The following GCSAML variants were observed in gnomAD, a reference collection of about 807,000 sequenced individuals.
The protein encoded by GCSAML is germinal center-associated signaling and motility-like protein.
Under a neutral mutation model 13.0 loss-of-function variants are expected in GCSAML, and 9 were observed. That is an observed-to-expected ratio of 0.69 (90% CI 0.42 to 1.21). GCSAML has a LOEUF of 1.21. Among genes scored for constraint, GCSAML ranks in the 50% most tolerant of loss-of-function variants. GCSAML has a pLI of 0.00. For synonymous variants in GCSAML, 37 were observed against 52.9 expected (o/e 0.70, Z 1.31); for missense variants, 143 against 153.4 (o/e 0.93, Z 0.36).
intron 2 of GCSAML, among the ~76,000 whole-genome samples, chr1:247,560,527 T>C (rs1408218871): frequency 6.6e-6 from 1 of 152,168 alleles, no homozygotes; most frequent in Non-Finnish European, 1.5e-5. Flanking sequence ...GAAAACTCAT[T>C]ATTTGTTCCC....
At chr1:247,569,113 G>A (rs1045310519) in intron 4 of GCSAML, among the ~76,000 whole-genome samples, 12 of 152,108 alleles carry the variant, frequency 7.9e-5, no homozygotes, top group Non-Finnish European at 8.8e-5. Context: ...GGGCTGAGAC[G>A]ATGTGATTTT....
At chr1:247,546,847 T>C (rs977850915), upstream of GCSAML, among the ~76,000 whole-genome samples, 74 of 151,036 alleles carry the variant, frequency 4.9e-4, no homozygotes, top group African/African-American at 1.8e-3. Context: ...CCCAGCACTT[T>C]GGGAGGCCAA....
At chr1:247,546,455 T>G (rs908176376), upstream of GCSAML, among the ~76,000 whole-genome samples, 5 of 152,042 alleles carry the variant, frequency 3.3e-5, no homozygotes, top group African/African-American at 1.2e-4. Context: ...GCCTTCCGGG[T>G]TCACGCCATT....
chr1:247,525,823 C>G (rs896136229), intron 1 of GCSAML: 4 of 152,166 alleles, frequency 2.6e-5, no homozygotes, highest in Non-Finnish European at 5.9e-5. Context: ...TTTCAGGTGC[C>G]CAGCTCCCAT....
chr1:247,512,987 G>T (rs12061050), intron 1 of GCSAML, among the ~76,000 whole-genome samples: 5,056 of 152,238 alleles, frequency 0.033, 265 homozygotes, highest in African/African-American at 0.11. Context: ...AGGCACAGGG[G>T]TCAAGGACCC....
At chr1:247,508,497 A>G (rs1439278314) in intron 1 of GCSAML, among the ~76,000 whole-genome samples, 1 of 152,168 alleles carries the variant, frequency 6.6e-6, no homozygotes, top group African/African-American at 2.4e-5. Context: ...TTTGCTGTGC[A>G]GAAACTCTTA....
At chr1:247,537,177 A>G (rs1667249684) in intron 2 of GCSAML, among the ~76,000 whole-genome samples, 1 of 152,146 alleles carries the variant, frequency 6.6e-6, no homozygotes, top group Non-Finnish European at 1.5e-5. Flanking sequence ...TTCTCTATGT[A>G]TGGATTTGCC....
chr1:247,573,677 C>T (rs1668718768), intron 4 of GCSAML, among the ~76,000 whole-genome samples: 1 of 152,110 alleles, frequency 6.6e-6, no homozygotes, highest in East Asian at 1.9e-4. Context: ...TAAACAGGCT[C>T]TTTTTTGGTT....
upstream of GCSAML, among the ~76,000 whole-genome samples, chr1:247,546,313 C>T (rs913258625): frequency 3.9e-5 from 6 of 152,100 alleles, no homozygotes; most frequent in Non-Finnish European, 5.9e-5. Flanking sequence ...GATGGGACTA[C>T]AGGCACATGC....
At chr1:247,555,712 AGGAAATGCTATGT>A (rs2103044088) in intron 1 of GCSAML, among the ~76,000 whole-genome samples, 1 of 152,356 alleles carries the variant, frequency 6.6e-6, no homozygotes, top group East Asian at 1.9e-4. Context: ...AAAACCATCA[AGGAAATGCTATGT>A]GTGGACAACT....
At chr1:247,559,773 T>C (rs1453546802) in intron 2 of GCSAML, among the ~76,000 whole-genome samples, 1 of 152,208 alleles carries the variant, frequency 6.6e-6, no homozygotes, top group Non-Finnish European at 1.5e-5. Context: ...CTTTGGCTTG[T>C]AGATGACTGT....
intron 4 of GCSAML, among the ~76,000 whole-genome samples, 189 bp from the exon 5 acceptor site, chr1:247,573,954 G>A (rs1668731744): frequency 6.6e-6 from 1 of 152,044 alleles, no homozygotes; most frequent in African/African-American, 2.4e-5. Flanking sequence ...TGTAGCAATT[G>A]TAAATGGGAG....
intron 4 of GCSAML, among the ~76,000 whole-genome samples, chr1:247,570,367 C>T (rs1668555633): frequency 6.6e-6 from 1 of 152,202 alleles, no homozygotes; most frequent in Admixed American, 6.5e-5. Context: ...TCCCTCTAAA[C>T]ACTGCTTTAG....
At chr1:247,559,509 C>T (rs567671179) in intron 2 of GCSAML, among the ~76,000 whole-genome samples, 12 of 152,158 alleles carry the variant, frequency 7.9e-5, no homozygotes, top group African/African-American at 2.2e-4. Context: ...GTCCCTGTGA[C>T]GGGAGATCAA....
intron 1 of GCSAML, among the ~76,000 whole-genome samples, chr1:247,521,293 T>C (rs72773774): frequency 0.049 from 7,418 of 151,316 alleles, 268 homozygotes; most frequent in Admixed American, 0.093. Flanking sequence ...CAACAGTTTA[T>C]GAAAAACATA....
At chr1:247,515,352 G>T (rs995973405) in intron 1 of GCSAML, among the ~76,000 whole-genome samples, 3 of 152,338 alleles carry the variant, frequency 2.0e-5, no homozygotes, top group African/African-American at 4.8e-5. Context: ...CACTGCAACA[G>T]TAACTTTAAT....
chr1:247,562,153 G>A (rs1402094419), intron 2 of GCSAML, among the ~76,000 whole-genome samples: 3 of 152,176 alleles, frequency 2.0e-5, no homozygotes, highest in African/African-American at 7.2e-5. Flanking sequence ...TGCCTTACGG[G>A]TCATAGGTGG....
intron 2 of GCSAML, among the ~76,000 whole-genome samples, chr1:247,557,574 G>A (rs1667998271): frequency 6.6e-6 from 1 of 152,176 alleles, no homozygotes; most frequent in South Asian, 2.1e-4. Flanking sequence ...GAGGATTGAG[G>A]AGATGAGCCA....
In GCSAML at chr1:247,526,546, C is replaced by G; in HGVS notation, c.-262-394C>G. The stretch of plus-strand genomic sequence containing the variant: ...GCATCTTACTTCAGGAAGTGTGTCT[C>G]CACTGGCTTACATCCCCACAGTCAA... On this transcript the variant is annotated intron_variant, in intron 1 of 5. Transcript: ENST00000366489. This position sits in a 1 kb window ranked among gnomAD's most constrained non-coding sequence, Gnocchi z 4.8. 6.1e-6 allele frequency: 1 copy of G among 164,740 alleles called. No individual in the cohort carries two copies. The highest frequency in any genetic ancestry group is 1.6e-4 in the South Asian group (1 of 6,308). 10.2% of individuals were successfully genotyped at this position (164,740 alleles called of 1,614,324 possible).
Sources: gnomAD v4.1 joint callset for allele counts (sites outside exome capture counted in the v4.1 genomes callset) on GRCh38, gnomAD v4.1.1 for gene constraint, Gnocchi (gnomAD v3.1) non-coding constraint, MANE v1.5 for transcripts, NCBI Gene and HGNC (gene_info 2026-07-23, HGNC 2026-07-21) for gene names.